The following PBX1 variants were observed in gnomAD, a reference collection of about 807,000 sequenced individuals.
The protein encoded by PBX1 is pre-B-cell leukemia transcription factor 1.
In PBX1, 6 loss-of-function variants were observed where a neutral mutation model predicts 53.4. The ratio of observed to expected loss-of-function variants is 0.11; its 90% CI spans 0.06 to 0.22. The LOEUF (loss-of-function observed/expected upper bound fraction) is 0.22, where lower values mean the gene tolerates loss of function less well. Among genes scored for constraint, PBX1 ranks in the 10% least tolerant of loss-of-function variants. The pLI is 1.00. For synonymous variants in PBX1, 204 were observed against 212.3 expected, an observed-to-expected ratio of 0.96 and a Z score of 0.34; for missense variants, 251 against 551.4, an observed-to-expected ratio of 0.46 and a Z score of 5.46.
intron 2 of PBX1, among the ~76,000 whole-genome samples, chr1:164,625,651 G>A (rs191200169): frequency 4.9e-4 from 74 of 152,164 alleles, no homozygotes; most frequent in African/African-American, 1.7e-3. Flanking sequence ...TGAGTCGTTT[G>A]AAATTGGAAA....
intron 2 of PBX1, among the ~76,000 whole-genome samples, chr1:164,654,023 A>G (rs985263708): frequency 1.3e-5 from 2 of 152,162 alleles, no homozygotes; most frequent in Non-Finnish European, 2.9e-5. Flanking sequence ...TTTGTTTCTG[A>G]TAAATTTTTA....
At chr1:164,741,168 A>T (rs1470155121) in intron 2 of PBX1, among the ~76,000 whole-genome samples, 2 of 152,216 alleles carry the variant, frequency 1.3e-5, no homozygotes, top group African/African-American at 4.8e-5. Flanking sequence ...TTGCTCAAGG[A>T]TATAACTCGA....
At chr1:164,613,146 G>A (rs2101831273) in intron 2 of PBX1, among the ~76,000 whole-genome samples, 1 of 152,266 alleles carries the variant, frequency 6.6e-6, no homozygotes, top group East Asian at 1.9e-4. Flanking sequence ...CATGAATACT[G>A]TTCTGCACCT....
At chr1:164,584,363 A>AAGAG (rs61298874) in intron 2 of PBX1, among the ~76,000 whole-genome samples, 11 of 147,916 alleles carry the variant, frequency 7.4e-5, no homozygotes, top group East Asian at 2.0e-4. Context: ...GAGAGAGAGA[A>AAGAG]AGAGAGAGAG....
At chr1:164,653,189 A>G (rs1659939731) in intron 2 of PBX1, among the ~76,000 whole-genome samples, 1 of 152,192 alleles carries the variant, frequency 6.6e-6, no homozygotes, top group Middle Eastern at 3.4e-3. Context: ...TGTTAGTAGA[A>G]TTACACAACA....
At chr1:164,699,690 T>C (rs1054604307) in intron 2 of PBX1, among the ~76,000 whole-genome samples, 18 of 152,334 alleles carry the variant, frequency 1.2e-4, no homozygotes, top group South Asian at 4.1e-4. Context: ...ATGCCAGGAC[T>C]GTCCCTTCAG....
At chr1:164,714,274 G>T (rs978777301) in intron 2 of PBX1, among the ~76,000 whole-genome samples, 1 of 152,208 alleles carries the variant, frequency 6.6e-6, no homozygotes, top group African/African-American at 2.4e-5. Flanking sequence ...GATCTTACAT[G>T]TATGATCTAG....
intron 2 of PBX1, among the ~76,000 whole-genome samples, chr1:164,724,670 ATTTTTTTTTTTT>A (rs59042806): frequency 0.04 from 1,918 of 47,744 alleles, 18 homozygotes; most frequent in South Asian, 0.067. Flanking sequence ...ATAGCTGCAG[ATTTTTTTTTTTT>A]TTTTTTTTTT....
chr1:164,596,411 G>A (rs1655761374), intron 2 of PBX1, among the ~76,000 whole-genome samples: 1 of 152,160 alleles, frequency 6.6e-6, no homozygotes, highest in South Asian at 2.1e-4. Flanking sequence ...CCTTACAAAG[G>A]CATTTTTAGT....
In PBX1 at chr1:164,677,825, G is replaced by A. The variant is rs569211863; in HGVS notation, c.265+114514G>A. On this transcript the variant is annotated intron_variant, in intron 2 of 8. Transcript: ENST00000420696. ...GGGTGACAATGAGGGGATTGGCTTG[G>A]CCGTGATGCAGATTTGAGGTTACAG... Among the ~76,000 whole-genome samples the A allele has an allele frequency of 3.3e-5, 5 of 152,238 alleles. No individual in the cohort carries two copies. In the East Asian group the frequency reaches 9.7e-4, roughly 30 times the overall value.
rs114359127 is a variant in PBX1, at chr1:164,879,973, G to A, written n.258-19215G>A. Among the ~76,000 whole-genome samples, 691 of 152,296 alleles carry A rather than the reference G, an allele frequency of 4.5e-3. 4 individuals carry two copies. Among genetic ancestry groups the A allele is most frequent in the African/African-American group, 0.015 (635 of 41,568 alleles). ...CCTGGGCTGGGGAATGAGGGCAGAG[G>A]TGCCAGTGGTATAGAAGAGCTATTT... On this transcript the variant is annotated intron_variant and non_coding_transcript_variant, in intron 2 of 2. Transcript: ENST00000558796.
At chr1:164,822,101 G>A (rs1670185620) in intron 8 of PBX1, among the ~76,000 whole-genome samples, 1 of 152,094 alleles carries the variant, frequency 6.6e-6, no homozygotes, top group African/African-American at 2.4e-5. Flanking sequence ...ATGTAGAAGG[G>A]ATGGGGAGGG....
chr1:164,728,633 C>T (rs1002404503), intron 2 of PBX1, among the ~76,000 whole-genome samples: 3 of 152,054 alleles, frequency 2.0e-5, no homozygotes, highest in Non-Finnish European at 4.4e-5. Context: ...AAAATATGGG[C>T]ATTAATGTTA....
chr1:164,766,587 C>G lies in PBX1; in HGVS notation c.266-25907C>G, dbSNP rs144191955. On this transcript the variant is annotated intron_variant, in intron 2 of 8. Transcript: ENST00000420696. ...AGCTAGTGAGAAGCAGAGACTTGGC[C>G]TTATCCCACGCCCTCTGATTCCAAG... Among the ~76,000 whole-genome samples the G allele has an allele frequency of 1.1e-3, 169 of 152,208 alleles. 2 individuals carry two copies. The highest frequency in any genetic ancestry group is 3.6e-3 in the African/African-American group (150 of 41,524).
At chr1:164,853,622 C>T (rs181124172), downstream of PBX1, among the ~76,000 whole-genome samples, 3 of 151,852 alleles carry the variant, frequency 2.0e-5, no homozygotes, top group African/African-American at 4.8e-5. Context: ...CCCTTTTTTC[C>T]GACGTTCTCC....
intron 2 of PBX1, among the ~76,000 whole-genome samples, chr1:164,615,750 C>T (rs924382278): frequency 6.6e-5 from 10 of 152,138 alleles, no homozygotes; most frequent in African/African-American, 2.4e-4. Flanking sequence ...TTAATTGTGC[C>T]CACCACAACT....
chr1:164,624,467 G>T (rs537920312), intron 2 of PBX1, among the ~76,000 whole-genome samples: 122 of 152,328 alleles, frequency 8.0e-4, no homozygotes, highest in African/African-American at 2.8e-3. Context: ...TTAGAGGCAT[G>T]CATTCCTTCA....
At chr1:164,717,478 G>A (rs1353843564) in intron 2 of PBX1, among the ~76,000 whole-genome samples, 1 of 152,126 alleles carries the variant, frequency 6.6e-6, no homozygotes, top group African/African-American at 2.4e-5. Flanking sequence ...GCTCTGTCTA[G>A]GATTATCAGG....
intron 2 of PBX1, among the ~76,000 whole-genome samples, chr1:164,745,652 A>G (rs1389378863): frequency 6.6e-6 from 1 of 152,216 alleles, no homozygotes; most frequent in Non-Finnish European, 1.5e-5. Context: ...AACCTAGTCA[A>G]CCAGCTACAG....
Sources: allele counts gnomAD v4.1 joint callset (sites outside exome capture counted in the v4.1 genomes callset), GRCh38; gene constraint gnomAD v4.1.1; transcripts MANE v1.5; gene names NCBI Gene and HGNC (gene_info 2026-07-23, HGNC 2026-07-21).